Variants in GLIPR1L2 observed in about 807,000 individuals in gnomAD.
GLIPR1L2 encodes the protein GLIPR1 like 2.
Under a neutral mutation model 28.4 loss-of-function variants are expected in GLIPR1L2, and 21 were observed. The observed-to-expected ratio is 0.74, with a 90% CI of 0.52 to 1.06. GLIPR1L2 has a LOEUF of 1.06. Ranked by LOEUF, GLIPR1L2 falls within the 50% of genes least tolerant of loss-of-function variation. The pLI is 0.00. For missense variants in GLIPR1L2, 476 were observed against 416.9 expected, an observed-to-expected ratio of 1.14 and a Z score of -1.23; for synonymous variants, 145 against 139.3, an observed-to-expected ratio of 1.04 and a Z score of -0.29.
At chr12:75,418,742 G>A (rs1026348367) in intron 3 of GLIPR1L2, among the ~76,000 whole-genome samples, 9 of 152,146 alleles carry the variant, frequency 5.9e-5, no homozygotes, top group Admixed American at 5.9e-4. Flanking sequence ...GATGGGGATA[G>A]CATTGAATCT....
rs1026770716 is a variant in GLIPR1L2, at chr12:75,406,205, TTAAA to T, written c.235-4226_235-4223del. The stretch of plus-strand genomic sequence containing the variant: ...CTTTTGAAATCTTTTGTCATATTGG[TTAAA>T]TAGATTGCTTAAGTATTGTTTCATA... On this transcript the variant is annotated intron_variant, in intron 1 of 5. Transcript: ENST00000550916. Among the ~76,000 whole-genome samples the T allele has an allele frequency of 1.6e-4, 25 of 152,060 alleles. 1 individual carries two copies. The highest frequency in any genetic ancestry group is 6.0e-4 in the African/African-American group (25 of 41,424).
At chr12:75,423,348 C>T in intron 4 of GLIPR1L2, 3 of 1,049,766 alleles carry the variant, frequency 2.9e-6, no homozygotes, top group Non-Finnish European at 3.4e-6. Context: ...TATGAAGTAG[C>T]ATATATTTAA....
chr12:75,396,635 A>G (rs2045683885), intron 1 of GLIPR1L2, among the ~76,000 whole-genome samples: 1 of 152,216 alleles, frequency 6.6e-6, no homozygotes, highest in African/African-American at 2.4e-5. Flanking sequence ...AGCTGAACTC[A>G]GAGGTTCCCA....
intron 2 of GLIPR1L2, among the ~76,000 whole-genome samples, chr12:75,412,781 G>T (rs1388737080): frequency 2.0e-5 from 3 of 152,084 alleles, no homozygotes; most frequent in Admixed American, 1.3e-4. Flanking sequence ...GTGGAAGTCA[G>T]TGTGGCGATT....
intron 1 of GLIPR1L2, among the ~76,000 whole-genome samples, chr12:75,408,048 C>A (rs188045036): frequency 6.6e-6 from 1 of 152,078 alleles, no homozygotes; most frequent in Admixed American, 6.6e-5. Flanking sequence ...CTTCCTGTTA[C>A]CTATAAGAGA....
intron 3 of GLIPR1L2, among the ~76,000 whole-genome samples, chr12:75,416,815 A>G (rs189591531): frequency 1.3e-4 from 20 of 152,204 alleles, no homozygotes; most frequent in Admixed American, 8.5e-4. Flanking sequence ...TTTTCCTTTG[A>G]TACAAATATT....
At chr12:75,417,891 T>C (rs1398416700) in intron 3 of GLIPR1L2, among the ~76,000 whole-genome samples, 6 of 152,108 alleles carry the variant, frequency 3.9e-5, no homozygotes, top group African/African-American at 9.7e-5. Flanking sequence ...ATTAATTCGA[T>C]TACTCTAAAA....
intron 3 of GLIPR1L2, among the ~76,000 whole-genome samples, chr12:75,417,312 G>A (rs375136552): frequency 3.8e-4 from 58 of 152,228 alleles, no homozygotes; most frequent in African/African-American, 1.3e-3. Context: ...ACAAGCCAAG[G>A]AGCTAAGGCC....
At chr12:75,414,075 TA>T (rs2045900320) in intron 3 of GLIPR1L2, among the ~76,000 whole-genome samples, 1 of 152,030 alleles carries the variant, frequency 6.6e-6, no homozygotes, top group Non-Finnish European at 1.5e-5. Context: ...GTCAGTTTTG[TA>T]ACATGAAGAA....
At chr12:75,394,686 C>G (rs925792338) in intron 1 of GLIPR1L2, among the ~76,000 whole-genome samples, 2 of 135,188 alleles carry the variant, frequency 1.5e-5, no homozygotes, top group Non-Finnish European at 3.1e-5. Context: ...CTTTTTTCAT[C>G]TTCTTCAAGA....
rs1594013998 is a variant in GLIPR1L2 at position 75,410,417 on chromosome 12, T to C, written c.235-17T>C. On this transcript the variant is annotated splice_polypyrimidine_tract_variant and intron_variant, in intron 1 of 5. Coordinates refer to ENST00000550916, the MANE Select transcript of GLIPR1L2 (RefSeq NM_001270396.2). ...AAAAACTTATTTTGTTCTCTTTGCT[T>C]TTTGAATATTTTTCAGACTTGGGAT... The C allele has an allele frequency of 6.7e-7, 1 of 1,496,170 alleles. No individual in the cohort carries two copies. Among genetic ancestry groups the C allele is most frequent in the Non-Finnish European group, 8.9e-7 (1 of 1,122,512 alleles). The allele number at this position is 1,496,170 out of a possible 1,614,324, so 92.7% of individuals were successfully genotyped here.
intron 3 of GLIPR1L2, among the ~76,000 whole-genome samples, chr12:75,419,281 G>A (rs2045954394): frequency 6.6e-6 from 1 of 152,140 alleles, no homozygotes; most frequent in Admixed American, 6.5e-5. Context: ...AAATAAGTTA[G>A]CACCCTGGAA....
In GLIPR1L2 at chr12:75,422,896, G is replaced by C; in HGVS notation, c.585-8G>C. ...CTAACTAAATGTTTTCTGCTTTTTT[G>C]TTTGTAGAGGAACACTGACGAGAAG... On this transcript the variant is annotated splice_region_variant and splice_polypyrimidine_tract_variant and intron_variant, in intron 3 of 5. Coordinates refer to ENST00000550916, the MANE Select transcript of GLIPR1L2 (RefSeq NM_001270396.2). 1 of 1,586,008 alleles carries C rather than the reference G, an allele frequency of 6.3e-7. No individual in the cohort carries two copies. Among genetic ancestry groups the C allele is most frequent in the Non-Finnish European group, 8.5e-7 (1 of 1,172,072 alleles).
chr12:75,430,739 C>T lies in GLIPR1L2; in HGVS notation c.695C>T (p.Thr232Ile). ...LCSNADRDQA[T>I]YYRFWYPKWE... Reference sequence around the variant, plus strand: ...GGTAATGCAGATCGTGACCAAGCCACATGTATGTATTGTTGTCCTTTATTT... The same window carrying T: ...GGTAATGCAGATCGTGACCAAGCCATATGTATGTATTGTTGTCCTTTATTT... Residue 232 changes from threonine (T) to isoleucine (I), a missense_variant and splice_region_variant, in exon 5 of 6, where the codon ACA becomes ATA. Coordinates refer to ENST00000550916, the MANE Select transcript of GLIPR1L2 (RefSeq NM_001270396.2). 6.5e-7 allele frequency: 1 copy of T among 1,534,892 alleles called. No individual in the cohort carries two copies. The highest frequency in any genetic ancestry group is 8.7e-7 in the Non-Finnish European group (1 of 1,146,454).
chr12:75,423,639 A>G, intron 4 of GLIPR1L2: 1 of 212,582 alleles, frequency 4.7e-6, no homozygotes, highest in Non-Finnish European at 8.1e-6. Context: ...TTACATAGGT[A>G]TATACATGCC....
intron 1 of GLIPR1L2, among the ~76,000 whole-genome samples, chr12:75,409,499 T>A (rs949692153): frequency 1.3e-5 from 2 of 151,070 alleles, no homozygotes; most frequent in African/African-American, 4.8e-5. Flanking sequence ...AAACTTTATA[T>A]GTGCCTTATT....
chr12:75,413,826 T>C, intron 3 of GLIPR1L2, 125 bp downstream of exon 3: 1 of 471,588 alleles, frequency 2.1e-6, no homozygotes, highest in East Asian at 3.6e-5. Flanking sequence ...TACATTGAAA[T>C]ATTTTCAATC....
At chr12:75,413,901 T>G (rs2045898461) in intron 3 of GLIPR1L2, among the ~76,000 whole-genome samples, 200 bp downstream of exon 3, 1 of 152,044 alleles carries the variant, frequency 6.6e-6, no homozygotes, top group Non-Finnish European at 1.5e-5. Context: ...AGCCAAATAT[T>G]ACTTCCTGGA....
chr12:75,402,505 TAGAA>T (rs2045753360), intron 1 of GLIPR1L2, among the ~76,000 whole-genome samples: 1 of 152,182 alleles, frequency 6.6e-6, no homozygotes, highest in South Asian at 2.1e-4. Context: ...GGACAGTAAA[TAGAA>T]TAATAATATT....
Sources: allele counts gnomAD v4.1 joint callset (sites outside exome capture counted in the v4.1 genomes callset), GRCh38; gene constraint gnomAD v4.1.1; transcripts MANE v1.5; gene names NCBI Gene and HGNC (gene_info 2026-07-23, HGNC 2026-07-21).